Variants in MUC4 observed in about 807,000 individuals in gnomAD.
The protein encoded by MUC4 is mucin 4, cell surface associated.
Under a neutral mutation model 257.9 loss-of-function variants are expected in MUC4, and 202 were observed. The ratio of observed to expected loss-of-function variants is 0.78; its 90% confidence interval spans 0.70 to 0.88. MUC4 has a LOEUF of 0.88. MUC4 is among the 40% of genes least tolerant of loss of function. MUC4 has a pLI of 0.00. For missense variants in MUC4, 5,976 were observed against 6,513.7 expected (o/e 0.92, Z 2.84); for synonymous variants, 2,351 against 2,757.1 (o/e 0.85, Z 4.62).
At chr3:195,765,730 A>G (rs1720323442) in intron 8 of MUC4, among the ~76,000 whole-genome samples, 1 of 152,226 alleles carries the variant, frequency 6.6e-6, no homozygotes, top group African/African-American at 2.4e-5. Flanking sequence ...CCTTCAACCT[A>G]TCACATTTTG....
At chr3:195,796,270 A>G (rs1354614083) in intron 1 of MUC4, among the ~76,000 whole-genome samples, 1 of 151,986 alleles carries the variant, frequency 6.6e-6, no homozygotes. Flanking sequence ...TTTAGTAGAG[A>G]CTGGGTTTCA....
chr3:195,798,429 C>T (rs3096343), intron 1 of MUC4, among the ~76,000 whole-genome samples: 8 of 151,960 alleles, frequency 5.3e-5, no homozygotes, highest in African/African-American at 1.7e-4. Flanking sequence ...TTAGGCCAGG[C>T]GTGGTGGCTC....
At chr3:195,760,544 G>GTGTCCAGCACTA (rs1560239050) in intron 16 of MUC4, among the ~76,000 whole-genome samples, 52 of 112,698 alleles carry the variant, frequency 4.6e-4, no homozygotes, top group Non-Finnish European at 7.4e-4. Context: ...GGCTGGGAAG[G>GTGTCCAGCACTA]GGTCCAGCGC....
In MUC4 at chr3:195,747,303, C is replaced by T. The variant is rs750539883; in HGVS notation, c.16112G>A (p.Gly5371Asp). The T allele has an allele frequency of 9.9e-6, 16 of 1,614,170 alleles. No homozygotes were observed. The highest frequency in any genetic ancestry group is 1.7e-4 in the Middle Eastern group (1 of 6,056). Residue 5371 changes from glycine to aspartate, a missense_variant, in exon 25 of 25, where the codon GGC becomes GAC. Gly to Asp is a moderately conservative substitution (Grantham distance 94). Transcript: ENST00000463781. ...GCCGCCCAGGGCCCCAAAGAAGATG[C>T]CGAAGAACGCGTCGAGTTTCATGCT... ...HLSMKLDAFF[G>D]IFFGALGGLL...
Position 195,762,918 on chromosome 3 carries a change from C to A in MUC4, c.14281G>T (p.Ala4761Ser). 7 of 1,568,946 alleles carry A rather than the reference C, an allele frequency of 4.5e-6. No individual in the cohort carries two copies. The highest frequency in any genetic ancestry group is 6.0e-6 in the Non-Finnish European group (7 of 1,158,698). ...TGGTTATCCAGCAGGACACGGATTG[C>A]GTCGTGAGGCTCAAGGAGCCATTGG... ...TVQWLLEPHD[A>S]IRVLLDNQTV... Residue 4761 changes from alanine (A) to serine (S), a missense_variant, in exon 13 of 25, where the codon GCA becomes TCA. Ala to Ser is a moderately conservative substitution (Grantham distance 99). This residue lies in a region of MUC4 where 996 missense variants were observed against 1,137.3 expected (regional missense o/e 0.88). Transcript: ENST00000463781.
intron 19 of MUC4, chr3:195,753,576 C>T (rs1716908144): frequency 1.9e-5 from 7 of 377,494 alleles, no homozygotes; most frequent in Non-Finnish European, 3.3e-5. Context: ...ATAAAAGCTG[C>T]GGTTCTACCC....
Position 195,783,027 on chromosome 3 carries a change from G to C in MUC4, c.8553C>G (p.Val2851=). Residue 2851 remains valine (V), a synonymous_variant, in exon 2 of 25, where the codon GTC becomes GTG. Transcript: ENST00000463781. ...CTGTGGACACTGAGGAAGCGTCGGT[G>C]ACAGGAAGAGGGGTGGTGTGACCTG... ...ASSGHTTPLP[V]TDASSVSTGH... 1 of 1,181,628 alleles carries C rather than the reference G, an allele frequency of 8.5e-7. No homozygotes were observed. Among genetic ancestry groups the C allele is most frequent in the Non-Finnish European group, 1.1e-6 (1 of 874,004 alleles). The allele number at this position is 1,181,628 out of a possible 1,614,324, so 73.2% of individuals were successfully genotyped here. A position where few individuals can be genotyped will look rare whatever the true frequency, so the allele number is the denominator to read the frequency against.
intron 7 of MUC4, among the ~76,000 whole-genome samples, chr3:195,767,562 T>C (rs1380585024): frequency 0.015 from 242 of 16,534 alleles, 1 homozygote; most frequent in Non-Finnish European, 0.016. Context: ...CCATTACCAT[T>C]GCCACCACCA....
chr3:195,776,760 C>A (rs1449480467), intron 3 of MUC4, among the ~76,000 whole-genome samples: 1 of 102,078 alleles, frequency 9.8e-6, no homozygotes, highest in Non-Finnish European at 1.9e-5. Flanking sequence ...CCTTCCACAC[C>A]CATACCTTCC....
At chr3:195,754,072 A>AGAT (rs1717027458) in intron 19 of MUC4, 141 bp downstream of exon 19, 1 of 1,179,892 alleles carries the variant, frequency 8.5e-7, no homozygotes, top group Non-Finnish European at 1.2e-6. Flanking sequence ...ACACCTGCCT[A>AGAT]GATTTCCCAC....
rs1014496322 is a variant in MUC4 at position 195,809,267 on chromosome 3, G to C, written c.82+2469C>G. ...ACCCTGTGTTTTTCCTCTGGCCTGGGCTTCAGTGTGACCCAGCCTGGGTGA... is the reference window on the plus strand; with the variant it reads ...ACCCTGTGTTTTTCCTCTGGCCTGGCCTTCAGTGTGACCCAGCCTGGGTGA... On this transcript the variant is annotated intron_variant, in intron 1 of 24. Coordinates refer to ENST00000463781, the MANE Select transcript of MUC4 (RefSeq NM_018406.7). Among the ~76,000 whole-genome samples, 4 of 152,310 alleles carry C rather than the reference G, an allele frequency of 2.6e-5. 1 individual carries two copies. The South Asian group carries it at 8.3e-4, about 32-fold the overall frequency.
intron 20 of MUC4, 64 bp downstream of exon 20, chr3:195,752,987 C>A: frequency 3.6e-6 from 5 of 1,382,248 alleles, no homozygotes; most frequent in Non-Finnish European, 5.0e-6. Flanking sequence ...GGGCGGAGTG[C>A]GGGGGTGAGA....
chr3:195,767,468 C>CCACCATCACCATCACCAT (rs1398853127), intron 7 of MUC4, among the ~76,000 whole-genome samples: 6 of 140,204 alleles, frequency 4.3e-5, no homozygotes, highest in Non-Finnish European at 7.8e-5. Context: ...AACACTACCA[C>CCACCATCACCATCACCAT]CACCATCACC....
intron 7 of MUC4, among the ~76,000 whole-genome samples, chr3:195,767,687 G>A (rs1489888089): frequency 2.3e-3 from 2 of 860 alleles, no homozygotes; most frequent in Admixed American, 0.016. Flanking sequence ...ACCATCACTG[G>A]CCACCCCCCA....
chr3:195,778,443 G>C lies in MUC4; in HGVS notation c.12803C>G (p.Pro4268Arg), dbSNP rs142178516. The change falls in exon 3 of 25, where the codon CCG (proline) becomes CGG (arginine). Residue 4268 changes from proline to arginine, a missense_variant. By Grantham distance (103) the Pro-to-Arg change is moderately radical. Coordinates refer to ENST00000463781, the MANE Select transcript of MUC4 (RefSeq NM_018406.7). Reference protein sequence around the residue: ...LKMETPGMTTPSLKTDGGRRT... With the variant: ...LKMETPGMTTRSLKTDGGRRT... ...TCTCCCACCGTCTGTCTTCAGTGAC[G>C]GTGTTGTCATTCCTGGACACGTGAA... 3 of 1,612,730 alleles carry C rather than the reference G, an allele frequency of 1.9e-6. No homozygotes were observed. The highest frequency in any genetic ancestry group is 2.2e-5 in the South Asian group (2 of 91,014).
chr3:195,804,267 G>T (rs1030562124), intron 1 of MUC4, among the ~76,000 whole-genome samples: 1 of 152,172 alleles, frequency 6.6e-6, no homozygotes, highest in African/African-American at 2.4e-5. Context: ...GGTGGGAGAC[G>T]GCCCACAGCT....
Position 195,789,665 on chromosome 3 carries a change from G to A in MUC4, c.1915C>T (p.His639Tyr), listed in dbSNP as rs1254890178. Residue 639 changes from histidine (H) to tyrosine (Y), a missense_variant, in exon 2 of 25, where the codon CAC (histidine) becomes TAC (tyrosine). By Grantham distance (83) the His-to-Tyr change is moderately conservative (BLOSUM62 2). Transcript: ENST00000463781. ...QESPAVSQRG[H>Y]TQAPQTTQES... is the part of the protein sequence containing the mutation. ...TGTGTGGTCTGCGGGGCTTGAGTGT[G>A]ACCCCTTTGGGAAACAGCTGGTGAT... 6.8e-6 allele frequency: 11 copies of A among 1,614,004 alleles called. No individual in the cohort carries two copies. The highest frequency in any genetic ancestry group is 9.3e-6 in the Non-Finnish European group (11 of 1,179,892).
Position 195,784,706 on chromosome 3 carries a change from T to G in MUC4, c.6874A>C (p.Thr2292Pro). The G allele has an allele frequency of 7.1e-7, 1 of 1,405,804 alleles. No individual in the cohort carries two copies. The highest frequency in any genetic ancestry group is 2.2e-5 in the Admixed American group (1 of 46,076). The allele number at this position is 1,405,804 out of a possible 1,614,324, so 87.1% of individuals were successfully genotyped here. Residue 2292 changes from threonine (T) to proline (P), a missense_variant, in exon 2 of 25, where the codon ACT (threonine) becomes CCT (proline). Physicochemically the swap from Thr to Pro is conservative, Grantham distance 38. Around this residue, in one of 44 missense-constraint regions of MUC4, gnomAD observed 62 missense variants for 74.0 expected, o/e 0.84. Coordinates refer to ENST00000463781, the MANE Select transcript of MUC4 (RefSeq NM_018406.7). ...STGDTTPLPV[T>P]SPSSASTGHA... ...CCTGTGGATGCTGAGGAAGGGCTAG[T>G]GACAGGAAGAGGAGTGGTGTCACCT...
chr3:195,811,894 GC>G lies in MUC4; in HGVS notation c.-78del. ...GCTGCAGTGTGAGGAGCAGACGTGA[GC>G]CCGTCCCCTCAGGCGGCTGGCCCGA... is the stretch of plus-strand genomic sequence containing the variant. On this transcript the variant is annotated 5_prime_UTR_variant, in exon 1 of 25. Coordinates refer to ENST00000463781, the MANE Select transcript of MUC4 (RefSeq NM_018406.7). 1 of 1,432,292 alleles carries G rather than the reference GC, an allele frequency of 7.0e-7. No homozygotes were observed. Among genetic ancestry groups the G allele is most frequent in the Non-Finnish European group, 9.7e-7 (1 of 1,029,608 alleles). 88.7% of individuals were successfully genotyped at this position (1,432,292 alleles called of 1,614,324 possible). A position where few individuals can be genotyped will look rare whatever the true frequency, so the allele number is the denominator to read the frequency against.
Sources: gnomAD v4.1 joint callset for allele counts (sites outside exome capture counted in the v4.1 genomes callset) on GRCh38, gnomAD v4.1.1 for gene constraint, gnomAD v4.1.1 regional missense constraint, MANE v1.5 for transcripts, NCBI Gene and HGNC (gene_info 2026-07-23, HGNC 2026-07-21) for gene names.